The following ENGASE variants were observed in gnomAD, a reference collection of about 807,000 sequenced individuals.
ENGASE encodes cytosolic endo-beta-N-acetylglucosaminidase.
ENGASE carries 69 observed loss-of-function variants against 78.5 expected under a neutral mutation model. The ratio of observed to expected loss-of-function variants is 0.88; its 90% CI spans 0.72 to 1.07. The LOEUF (loss-of-function observed/expected upper bound fraction) is 1.07. ENGASE is among the 50% of genes least tolerant of loss of function. The probability of loss-of-function intolerance (pLI) is 0.00; values close to 1 mark genes in which losing one functional copy is unlikely to be tolerated. For synonymous variants in ENGASE, 408 were observed against 408.9 expected (o/e 1.00, Z 0.03); for missense variants, 943 against 988.4 (o/e 0.95, Z 0.62).
In ENGASE at chr17:79,088,322, A is replaced by G. The variant is rs1376537723; in HGVS notation, c.*1973A>G. The G allele has an allele frequency of 6.6e-6, 1 of 152,166 alleles. No individual in the cohort carries two copies. Among genetic ancestry groups the G allele is most frequent in the Admixed American group, 6.5e-5 (1 of 15,280 alleles). 9.4% of individuals were successfully genotyped at this position (152,166 alleles called of 1,614,324 possible). ...ATCCACGCCTTGCTGCCCTTCTTTC[A>G]TGAAGTCTGTTTTTTAAGTGCTGGT... On this transcript the variant is annotated 3_prime_UTR_variant, in exon 14 of 14. Coordinates refer to ENST00000579016, the MANE Select transcript of ENGASE (RefSeq NM_001042573.3).
At chr17:79,084,998 G>A (rs1419808723) in intron 11 of ENGASE, among the ~76,000 whole-genome samples, 3 of 152,174 alleles carry the variant, frequency 2.0e-5, no homozygotes, top group Non-Finnish European at 4.4e-5. Context: ...GAGCAAATGG[G>A]GTGGGGGAGA....
chr17:79,082,633 G>A (rs1599343464), intron 7 of ENGASE: 1 of 1,295,164 alleles, frequency 7.7e-7, no homozygotes, highest in Admixed American at 2.3e-5. Flanking sequence ...GAGCCCCAGG[G>A]ATGTTCTCAG....
At chr17:79,084,797 G>A (rs574540016) in intron 11 of ENGASE, 111 bp downstream of exon 11, 12 of 1,229,754 alleles carry the variant, frequency 9.8e-6, no homozygotes, top group Non-Finnish European at 1.2e-6. Context: ...CAGTGGGGGG[G>A]TACATCCTGC....
rs757379057 is a variant in ENGASE at position 79,080,203 on chromosome 17, A to G, written c.566-4A>G. ...CTGACCTTGTTTCTCTCCTATCCTC[A>G]CAGGGACTTTCATCACGGAGTGGAA... On this transcript the variant is annotated splice_polypyrimidine_tract_variant and splice_region_variant and intron_variant, in intron 4 of 13. Transcript: ENST00000579016. The G allele has an allele frequency of 6.3e-7, 1 of 1,592,174 alleles. No homozygotes were observed. Among genetic ancestry groups the G allele is most frequent in the Non-Finnish European group, 8.6e-7 (1 of 1,167,654 alleles).
At chr17:79,081,701 G>A (rs936059564) in intron 6 of ENGASE, among the ~76,000 whole-genome samples, 197 bp from the exon 7 acceptor site, 9 of 150,718 alleles carry the variant, frequency 6.0e-5, no homozygotes, top group African/African-American at 2.2e-4. Context: ...GCAGGTGGAG[G>A]GGGTGGCCCT....
intron 3 of ENGASE, among the ~76,000 whole-genome samples, chr17:79,078,436 T>A (rs546483304): frequency 6.6e-6 from 1 of 152,318 alleles, no homozygotes; most frequent in East Asian, 1.9e-4. Context: ...CTCCTCAACT[T>A]GAAGGCTGGT....
At position 79,083,373 on chromosome 17, in the gene ENGASE, G is replaced by C. The variant is rs1283369915; in HGVS notation, c.1143-109G>C. 1.2e-6 allele frequency: 1 copy of C among 828,034 alleles called. No homozygotes were observed. The highest frequency in any genetic ancestry group is 2.0e-6 in the Non-Finnish European group (1 of 509,806). 51.3% of individuals were successfully genotyped at this position (828,034 alleles called of 1,614,324 possible). A position where few individuals can be genotyped will look rare whatever the true frequency, so the allele number is the denominator to read the frequency against. On this transcript the variant is annotated intron_variant, in intron 8 of 13. Coordinates refer to ENST00000579016, the MANE Select transcript of ENGASE (RefSeq NM_001042573.3). This position sits in a 1 kb window ranked among gnomAD's most constrained non-coding sequence, Gnocchi z 4.9. ...AGGCTGCAGTCCTCCTGGAAGTCCT[G>C]TCTTGGAGGGTGCAGGAGAGCCTCG...
intron 1 of ENGASE, chr17:79,075,822 G>T (rs887024666): frequency 3.6e-5 from 35 of 985,340 alleles, no homozygotes; most frequent in Non-Finnish European, 4.2e-5. Context: ...TGCTGGGAAA[G>T]ATATTTTTGG....
Position 79,080,298 on chromosome 17 carries a change from G to T in ENGASE, c.657G>T (p.Arg219=), listed in dbSNP as rs769840808. The T allele has an allele frequency of 1.2e-6, 2 of 1,613,948 alleles. No homozygotes were observed. Among genetic ancestry groups the T allele is most frequent in the East Asian group, 4.5e-5 (2 of 44,882 alleles). Residue 219 remains arginine (R), a synonymous_variant, in exon 5 of 14, where the codon CGG becomes CGT. Transcript: ENST00000579016. ...DERSYQAVAD[R]LVQITQFFRF... ...GCTCGTACCAGGCAGTGGCTGACCG[G>T]CTGGTCCAGATCACTCAGTTTTTTC...
Position 79,083,334 on chromosome 17 carries a change from A to T in ENGASE, c.1143-148A>T. ...TCCTGCAGACTCGTGTTTGCAGCGTATCTGTAGACGGGGAGGCTGCAGTCC... is the reference window on the plus strand; with the variant it reads ...TCCTGCAGACTCGTGTTTGCAGCGTTTCTGTAGACGGGGAGGCTGCAGTCC... On this transcript the variant is annotated intron_variant, in intron 8 of 13. Coordinates refer to ENST00000579016, the MANE Select transcript of ENGASE (RefSeq NM_001042573.3). This position sits in a 1 kb window ranked among gnomAD's most constrained non-coding sequence, Gnocchi z 4.9. The T allele has an allele frequency of 2.8e-6, 2 of 705,894 alleles. No homozygotes were observed. Among genetic ancestry groups the T allele is most frequent in the Non-Finnish European group, 2.4e-6 (1 of 417,938 alleles). 43.7% of individuals were successfully genotyped at this position (705,894 alleles called of 1,614,324 possible). A position where few individuals can be genotyped will look rare whatever the true frequency, so the allele number is the denominator to read the frequency against.
At position 79,083,077 on chromosome 17, in the gene ENGASE, G is replaced by A; in HGVS notation, c.1096G>A (p.Val366Met). 6.2e-7 allele frequency: 1 copy of A among 1,614,046 alleles called. No homozygotes were observed. Among genetic ancestry groups the A allele is most frequent in the Non-Finnish European group, 8.5e-7 (1 of 1,179,974 alleles). Reference sequence around the variant, plus strand: ...CGTGGCTTTGTTTGCCCCCGGCTGGGTGTATGAGTGTCTGGAGAAGAAGGA... The same window carrying A: ...CGTGGCTTTGTTTGCCCCCGGCTGGATGTATGAGTGTCTGGAGAAGAAGGA... The part of the protein sequence containing the change: ...FSVALFAPGW[V>M]YECLEKKDFF... The change falls in exon 8 of 14, where the codon GTG becomes ATG. Residue 366 changes from valine (V) to methionine (M), a missense_variant. Transcript: ENST00000579016. This position sits in a 1 kb window ranked among gnomAD's most constrained non-coding sequence, Gnocchi z 4.9.
rs575728447 is a variant in ENGASE, at chr17:79,082,719, C to T, written c.1039-301C>T. On this transcript the variant is annotated intron_variant, in intron 7 of 13. Coordinates refer to ENST00000579016, the MANE Select transcript of ENGASE (RefSeq NM_001042573.3). ...CTTTACTGCCCGTGATTCTGATAAT[C>T]GAATGAGAGGTGTGCCAGAGGACAA... The T allele has an allele frequency of 3.6e-5, 50 of 1,387,160 alleles. No individual in the cohort carries two copies. The Admixed American group carries it at 3.7e-4, about 10-fold the overall frequency. The allele number at this position is 1,387,160 out of a possible 1,614,324, so 85.9% of individuals were successfully genotyped here.
chr17:79,082,940 C>T (rs2073187361), intron 7 of ENGASE, 80 bp from the exon 8 acceptor site: 23 of 1,584,608 alleles, frequency 1.5e-5, no homozygotes, highest in African/African-American at 2.7e-5. Flanking sequence ...CCCTGAGAGC[C>T]CCAACCCACG....
intron 3 of ENGASE, among the ~76,000 whole-genome samples, chr17:79,078,509 C>G (rs911937265): frequency 1.3e-5 from 2 of 152,156 alleles, no homozygotes; most frequent in African/African-American, 4.8e-5. Context: ...GCAGCCTCAC[C>G]CCCTCACGTG....
chr17:79,077,993 A>G, intron 3 of ENGASE, 129 bp downstream of exon 3: 1 of 906,830 alleles, frequency 1.1e-6, no homozygotes, highest in African/African-American at 1.7e-5. Flanking sequence ...CGGGCATTGG[A>G]GGGATGGCAC....
At position 79,082,418 on chromosome 17, in the gene ENGASE, C is replaced by T. The variant is rs2073169270; in HGVS notation, c.1038+355C>T. 4.1e-6 allele frequency: 5 copies of T among 1,228,650 alleles called. No individual in the cohort carries two copies. In the African/African-American group the frequency reaches 6.3e-5, roughly 15 times the overall value. The allele number at this position is 1,228,650 out of a possible 1,614,324, so 76.1% of individuals were successfully genotyped here. On this transcript the variant is annotated intron_variant, in intron 7 of 13. Coordinates refer to ENST00000579016, the MANE Select transcript of ENGASE (RefSeq NM_001042573.3). ...GAAGCCTGCGGGGACGCACAGGGGCCTGCAGCGCCTCTCACTGCGGCTCAG... is the reference window on the plus strand; with the variant it reads ...GAAGCCTGCGGGGACGCACAGGGGCTTGCAGCGCCTCTCACTGCGGCTCAG...
At chr17:79,082,402 G>T in intron 7 of ENGASE, 1 of 1,243,844 alleles carries the variant, frequency 8.0e-7, no homozygotes, top group South Asian at 1.5e-5. Context: ...GGAAGCCTGC[G>T]GGGACGCACA....
chr17:79,079,844 A>T (rs1182309404), intron 4 of ENGASE, among the ~76,000 whole-genome samples: 1 of 152,240 alleles, frequency 6.6e-6, no homozygotes, highest in Admixed American at 6.5e-5. Flanking sequence ...CCACTGGGTC[A>T]CTGTGGTGAT....
chr17:79,075,026 G>A lies in ENGASE; in HGVS notation c.82G>A (p.Ala28Thr). The change falls in exon 1 of 14, where the codon GCG (alanine) becomes ACG (threonine). Residue 28 changes from alanine to threonine, a missense_variant. Transcript: ENST00000579016. ...RQLQGLAAPE[A>T]GTQEEQEDQE... is the part of the protein sequence containing the mutation. ...GCTGCAGGGGCTGGCGGCCCCGGAG[G>A]CGGGGACGCAGGAGGAGCAGGAGGA... 1.7e-6 allele frequency: 2 copies of A among 1,208,832 alleles called. No homozygotes were observed. Among genetic ancestry groups the A allele is most frequent in the Non-Finnish European group, 2.1e-6 (2 of 970,364 alleles). 74.9% of individuals were successfully genotyped at this position (1,208,832 alleles called of 1,614,324 possible). A position where few individuals can be genotyped will look rare whatever the true frequency, so the allele number is the denominator to read the frequency against.
Sources: allele counts gnomAD v4.1 joint callset (sites outside exome capture counted in the v4.1 genomes callset), GRCh38; gene constraint gnomAD v4.1.1; non-coding constraint Gnocchi (gnomAD v3.1); transcripts MANE v1.5; gene names NCBI Gene and HGNC (gene_info 2026-07-23, HGNC 2026-07-21).